The following SPTBN2 variants were observed in gnomAD, a reference collection of about 807,000 sequenced individuals.
The protein encoded by SPTBN2 is spectrin beta chain, non-erythrocytic 2.
In SPTBN2, 107 loss-of-function variants were observed where a neutral mutation model predicts 284.2. The ratio of observed to expected loss-of-function variants is 0.38; its 90% CI spans 0.32 to 0.44. The LOEUF is 0.44. Among genes scored for constraint, SPTBN2 ranks in the 20% least tolerant of loss-of-function variants. SPTBN2 has a pLI of 1.00. For missense variants in SPTBN2, 2,569 were observed against 3,287.1 expected, an observed-to-expected ratio of 0.78 and a Z score of 5.34; for synonymous variants, 1,289 against 1,354.8, an observed-to-expected ratio of 0.95 and a Z score of 1.07.
rs772318175 is a variant in SPTBN2, at chr11:66,688,335, C to T, written c.6232-24G>A. ...AGCTGTCAAAAAATGCTGCATTCAG[C>T]GTGTAGAAGGTTGCGTGTAAGAGGG... On this transcript the variant is annotated intron_variant, in intron 31 of 37. Coordinates refer to ENST00000533211, the MANE Select transcript of SPTBN2 (RefSeq NM_006946.4). The T allele has an allele frequency of 3.5e-5, 55 of 1,562,052 alleles. No individual in the cohort carries two copies. The African/African-American group carries it at 5.2e-4, about 15-fold the overall frequency.
chr11:66,739,342 T>C (rs1461377842), intron 1 of SPTBN2, among the ~76,000 whole-genome samples: 1 of 151,778 alleles, frequency 6.6e-6, no homozygotes, highest in Non-Finnish European at 1.5e-5. Context: ...TGCTTCGGAG[T>C]ACTGTAATCA....
Position 66,691,161 on chromosome 11 carries a change from C to T in SPTBN2, c.5565+123G>A, listed in dbSNP as rs1018507767. 1 of 1,350,086 alleles carries T rather than the reference C, an allele frequency of 7.4e-7. No individual in the cohort carries two copies. The highest frequency in any genetic ancestry group is 9.8e-7 in the Non-Finnish European group (1 of 1,015,648). 83.6% of individuals were successfully genotyped at this position (1,350,086 alleles called of 1,614,324 possible). ...GAGCAATTTCCTCATCTCGAAATGG[C>T]CCTCGAAAGAGTGCCGTCCTCCCAG... On this transcript the variant is annotated intron_variant, in intron 27 of 37. Transcript: ENST00000533211. The surrounding 1 kb of genome is among the most constrained non-coding windows in gnomAD (Gnocchi z 8.0).
At chr11:66,711,692 C>T (rs1941874365) in intron 8 of SPTBN2, among the ~76,000 whole-genome samples, 1 of 152,182 alleles carries the variant, frequency 6.6e-6, no homozygotes, top group African/African-American at 2.4e-5. Context: ...AAAGGTAAGA[C>T]TATGAGACCA....
At position 66,687,245 on chromosome 11, in the gene SPTBN2, C is replaced by G. The variant is rs1940178153; in HGVS notation, c.6723-78G>C. ...AGCCCTCTTGGGTGTCCTAGGACTT[C>G]CAGTTCTGCTCCCATCTTTAGGCCA... is the stretch of plus-strand genomic sequence containing the variant. On this transcript the variant is annotated intron_variant, in intron 35 of 37. Coordinates refer to ENST00000533211, the MANE Select transcript of SPTBN2 (RefSeq NM_006946.4). This position sits in a 1 kb window ranked among gnomAD's most constrained non-coding sequence, Gnocchi z 5.2. The G allele has an allele frequency of 6.3e-7, 1 of 1,592,232 alleles. No individual in the cohort carries two copies. Among genetic ancestry groups the G allele is most frequent in the South Asian group, 1.1e-5 (1 of 89,758 alleles).
Position 66,687,484 on chromosome 11 carries a change from TC to T in SPTBN2, c.6664del (p.Glu2222ArgfsTer95). The T allele has an allele frequency of 6.2e-7, 1 of 1,610,948 alleles. No individual in the cohort carries two copies. The highest frequency in any genetic ancestry group is 8.5e-7 in the Non-Finnish European group (1 of 1,179,960). Reference sequence around the variant, plus strand: ...CTCCTGCTTGCGGCACAGCATCCCCTCCATCTGCTCCTGGGCAGATGGCTCT... The same window carrying T: ...CTCCTGCTTGCGGCACAGCATCCCCTCATCTGCTCCTGGGCAGATGGCTCT... ...GPEPSAQEQM[E>X]GMLCRKQEME... is the part of the protein sequence containing the mutation. On this transcript the variant is annotated frameshift_variant, in exon 35 of 38. Transcript: ENST00000533211. LOFTEE classifies it high-confidence loss of function. This position sits in a 1 kb window ranked among gnomAD's most constrained non-coding sequence, Gnocchi z 5.2.
At position 66,684,531 on chromosome 11, in the gene SPTBN2, A is replaced by G. The variant is rs1281608839; in HGVS notation, c.*1340T>C. ...GTGCCTGTGGTTCAGGCTACTCGGG[A>G]GGCTGAGGTGGGAGGATTGCTTGAA... On this transcript the variant is annotated 3_prime_UTR_variant, in exon 38 of 38. Coordinates refer to ENST00000533211, the MANE Select transcript of SPTBN2 (RefSeq NM_006946.4). Among the ~76,000 whole-genome samples the G allele has an allele frequency of 6.6e-6, 1 of 150,400 alleles. No individual in the cohort carries two copies. The highest frequency in any genetic ancestry group is 6.7e-5 in the Admixed American group (1 of 15,030).
rs1159430014 is a variant in SPTBN2 at position 66,728,546 on chromosome 11, T to TGCTCCCCGCC, written c.-114+185_-114+194dup. On this transcript the variant is annotated intron_variant, in intron 1 of 37. Coordinates refer to ENST00000533211, the MANE Select transcript of SPTBN2 (RefSeq NM_006946.4). ...CCATGGCAACCGAGGCCCCTCTCGGTGCTCCCCGCCGCTCCCCGCCCGGGG... is the reference window on the plus strand; with the variant it reads ...CCATGGCAACCGAGGCCCCTCTCGGTGCTCCCCGCCGCTCCCCGCCGCTCCCCGCCCGGGG... The TGCTCCCCGCC allele has an allele frequency of 8.6e-5, 13 of 150,488 alleles. No homozygotes were observed. In the East Asian group the frequency reaches 1.4e-3, roughly 16 times the overall value. The allele number at this position is 150,488 out of a possible 1,614,324, so 9.3% of individuals were successfully genotyped here. A position where few individuals can be genotyped will look rare whatever the true frequency, so the allele number is the denominator to read the frequency against.
In SPTBN2 at chr11:66,683,580, G is replaced by A. The variant is rs1201558478; in HGVS notation, c.*2291C>T. Among the ~76,000 whole-genome samples, 1 of 152,102 alleles carries A rather than the reference G, an allele frequency of 6.6e-6. No homozygotes were observed. The highest frequency in any genetic ancestry group is 1.5e-5 in the Non-Finnish European group (1 of 68,032). On this transcript the variant is annotated 3_prime_UTR_variant, in exon 38 of 38. Transcript: ENST00000533211. ...CCCTCTTCTATGTCCTGTTCTTAAGGAATCATGCCCTGAAGTCCTGCTGCC... is the reference window on the plus strand; with the variant it reads ...CCCTCTTCTATGTCCTGTTCTTAAGAAATCATGCCCTGAAGTCCTGCTGCC...
chr11:66,703,075 A>G (rs1224751475), intron 15 of SPTBN2, among the ~76,000 whole-genome samples: 2 of 151,144 alleles, frequency 1.3e-5, no homozygotes, highest in African/African-American at 4.9e-5. Context: ...CTTTAATTAC[A>G]TTTTTATTTT....
chr11:66,723,271 G>A (rs1942501574), intron 1 of SPTBN2, among the ~76,000 whole-genome samples: 1 of 151,968 alleles, frequency 6.6e-6, no homozygotes, highest in South Asian at 2.1e-4. Flanking sequence ...ATTCAAGAGA[G>A]GAGGAGGGGA....
Position 66,689,131 on chromosome 11 carries a change from T to C in SPTBN2, c.5999A>G (p.Glu2000Gly). The C allele has an allele frequency of 6.2e-7, 1 of 1,610,796 alleles. No individual in the cohort carries two copies. The highest frequency in any genetic ancestry group is 8.5e-7 in the Non-Finnish European group (1 of 1,178,442). The change falls in exon 30 of 38, where the codon GAG becomes GGG. Residue 2000 changes from glutamate (E) to glycine (G), a missense_variant. Around this residue, in one of 6 missense-constraint regions of SPTBN2, gnomAD observed 1,130 missense variants for 1,317.3 expected, o/e 0.86. Coordinates refer to ENST00000533211, the MANE Select transcript of SPTBN2 (RefSeq NM_006946.4). The stretch of plus-strand genomic sequence containing the variant: ...CCAGTCCATCTTCTCCTGCCACTTC[T>C]CAGCTGTCTCCTGGCGCCGTGCCTG... ...QLQARRQETA[E>G]KWQEKMDWLQ...
In SPTBN2 at chr11:66,713,793, C is replaced by T. The variant is rs615536; in HGVS notation, c.657-47G>A. On this transcript the variant is annotated intron_variant, in intron 7 of 37. Transcript: ENST00000533211. ...AAGGGATCAGAAACATGTGAGATCT[C>T]GAAGAGGAAGAGGAAACCCACACCA... 0.93 allele frequency: 1,351,709 copies of T among 1,448,956 alleles called. 631,610 individuals carry two copies. Among genetic ancestry groups the T allele is most frequent in the South Asian group, 0.95 (83,622 of 87,776 alleles). The allele number at this position is 1,448,956 out of a possible 1,614,324, so 89.8% of individuals were successfully genotyped here. A position where few individuals can be genotyped will look rare whatever the true frequency, so the allele number is the denominator to read the frequency against.
chr11:66,724,916 G>A (rs1311552818), intron 1 of SPTBN2, among the ~76,000 whole-genome samples: 1 of 152,182 alleles, frequency 6.6e-6, no homozygotes, highest in Non-Finnish European at 1.5e-5. Context: ...TAGGGCTCAG[G>A]AGAAATGCAG....
chr11:66,733,871 G>T (rs1007272288), upstream of SPTBN2, among the ~76,000 whole-genome samples: 2 of 151,918 alleles, frequency 1.3e-5, no homozygotes, highest in East Asian at 3.9e-4. Flanking sequence ...CCAGCTACTC[G>T]GGAGGCTGAG....
At chr11:66,714,202 A>G (rs781024140) in intron 6 of SPTBN2, 31 bp from the exon 7 acceptor site, 5 of 1,612,002 alleles carry the variant, frequency 3.1e-6, no homozygotes, top group Non-Finnish European at 4.2e-6. Context: ...AATGGTGAGT[A>G]GGGCTGAGCT....
rs1254955697 is a variant in SPTBN2, at chr11:66,689,818, T to C, written c.5936A>G (p.Tyr1979Cys). Reference sequence around the variant, plus strand: ...GGCCTCACCCACCTCCTCGGCCGCATAGTGGCTCCTGGCCAGCAGCTCCTT... The same window carrying C: ...GGCCTCACCCACCTCCTCGGCCGCACAGTGGCTCCTGGCCAGCAGCTCCTT... The part of the protein sequence containing the change: ...MGKELLARSH[Y>C]AAEEISEKLS... The change falls in exon 29 of 38, where the codon TAT becomes TGT. Residue 1979 changes from tyrosine (Y) to cysteine (C), a missense_variant. Tyr to Cys is a radical substitution (Grantham distance 194). This residue lies in a region of SPTBN2 where 1,130 missense variants were observed against 1,317.3 expected (regional missense o/e 0.86). Transcript: ENST00000533211. The C allele has an allele frequency of 6.2e-6, 10 of 1,613,684 alleles. No homozygotes were observed. The highest frequency in any genetic ancestry group is 2.2e-5 in the East Asian group (1 of 44,880).
rs143296501 is a variant in SPTBN2, at chr11:66,707,592, C to T, written c.1577G>A (p.Arg526Gln). The change falls in exon 13 of 38, where the codon CGG becomes CAG. Residue 526 changes from arginine (R) to glutamine (Q), a missense_variant. Physicochemically the swap from Arg to Gln is conservative, Grantham distance 43 (BLOSUM62 1). Around this residue, in one of 6 missense-constraint regions of SPTBN2, gnomAD observed 1,012 missense variants for 1,248.9 expected, o/e 0.81. Coordinates refer to ENST00000533211, the MANE Select transcript of SPTBN2 (RefSeq NM_006946.4). This position sits in a 1 kb window ranked among gnomAD's most constrained non-coding sequence, Gnocchi z 4.9. ...LRQMVAARRE[R>Q]LLLNLELQKV... Reference sequence around the variant, plus strand: ...CTGCAGCTCCAGGTTGAGGAGGAGCCGCTCCCGCCGGGCGGCCACCATCTG... The same window carrying T: ...CTGCAGCTCCAGGTTGAGGAGGAGCTGCTCCCGCCGGGCGGCCACCATCTG... The T allele has an allele frequency of 6.8e-6, 11 of 1,611,756 alleles. No individual in the cohort carries two copies. The highest frequency in any genetic ancestry group is 4.0e-5 in the African/African-American group (3 of 74,924).
upstream of SPTBN2, among the ~76,000 whole-genome samples, chr11:66,731,011 G>A (rs1435390768): frequency 6.6e-6 from 1 of 152,170 alleles, no homozygotes; most frequent in Admixed American, 6.5e-5. Context: ...TTAAAACATA[G>A]TTCTGCCACC....
At position 66,693,865 on chromosome 11, in the gene SPTBN2, G is replaced by T; in HGVS notation, c.4504-4C>A. On this transcript the variant is annotated splice_region_variant and splice_polypyrimidine_tract_variant and intron_variant, in intron 22 of 37. Coordinates refer to ENST00000533211, the MANE Select transcript of SPTBN2 (RefSeq NM_006946.4). The surrounding 1 kb of genome is among the most constrained non-coding windows in gnomAD (Gnocchi z 5.7). ...GCAGCCGCTCTGTCACCCACAACTG[G>T]AAGAGGAAGAGGGGGTCAGTGGAGG... 6.2e-7 allele frequency: 1 copy of T among 1,613,556 alleles called. No individual in the cohort carries two copies. The highest frequency in any genetic ancestry group is 1.7e-5 in the Admixed American group (1 of 59,978).
Sources: gnomAD v4.1 joint callset for allele counts (sites outside exome capture counted in the v4.1 genomes callset) on GRCh38, gnomAD v4.1.1 for gene constraint, gnomAD v4.1.1 regional missense constraint, Gnocchi (gnomAD v3.1) non-coding constraint, MANE v1.5 for transcripts, NCBI Gene and HGNC (gene_info 2026-07-23, HGNC 2026-07-21) for gene names.